ATP9A: variants seen among roughly 807,000 people sequenced by gnomAD.
ATP9A encodes probable phospholipid-transporting ATPase IIA.
A neutral mutation model predicts 144.1 loss-of-function variants in ATP9A; 52 were observed. That is an observed-to-expected ratio of 0.36 (90% confidence interval 0.29 to 0.45). The LOEUF is 0.45. ATP9A is among the 20% of genes least tolerant of loss of function. The pLI, the probability that ATP9A is intolerant of heterozygous loss-of-function variation, is 1.00. For synonymous variants in ATP9A, 582 were observed against 557.4 expected (o/e 1.04, Z -0.62); for missense variants, 947 against 1,392.7 (o/e 0.68, Z 5.09).
At chr20:51,661,623 G>A (rs567842398) in intron 13 of ATP9A, among the ~76,000 whole-genome samples, 4 of 146,758 alleles carry the variant, frequency 2.7e-5, no homozygotes, top group South Asian at 2.1e-4. Context: ...CTCCCGCCTC[G>A]GCCTCCCAAA....
chr20:51,597,165 C>G lies in ATP9A; in HGVS notation c.*4046G>C, dbSNP rs1045899575. The stretch of plus-strand genomic sequence containing the variant: ...GACATGGCCCAGCTATATTAACAGA[C>G]TGCGCCTCAAACCATGCTGTGGCGG... On this transcript the variant is annotated 3_prime_UTR_variant, in exon 28 of 28. Transcript: ENST00000338821. 10 of 152,312 alleles carry G rather than the reference C, an allele frequency of 6.6e-5. No homozygotes were observed. Among genetic ancestry groups the G allele is most frequent in the Non-Finnish European group, 1.0e-4 (7 of 68,034 alleles). The allele number at this position is 152,312 out of a possible 1,614,324, so 9.4% of individuals were successfully genotyped here.
intron 27 of ATP9A, among the ~76,000 whole-genome samples, chr20:51,604,182 CACTT>C (rs745646220): frequency 4.1e-5 from 5 of 122,144 alleles, no homozygotes; most frequent in South Asian, 3.3e-4. Context: ...TGCTCACACT[CACTT>C]AATGTGTGTT....
chr20:51,677,369 G>A (rs180933773), intron 9 of ATP9A, among the ~76,000 whole-genome samples: 137 of 152,138 alleles, frequency 9.0e-4, no homozygotes, highest in African/African-American at 3.2e-3. Flanking sequence ...TAAATACAGC[G>A]CCCACCCTCC....
At chr20:51,670,797 C>T (rs1056145149) in intron 12 of ATP9A, among the ~76,000 whole-genome samples, 4 of 152,180 alleles carry the variant, frequency 2.6e-5, no homozygotes, top group Admixed American at 6.5e-5. Flanking sequence ...GGCTACTATG[C>T]GCCCGTGACA....
intron 14 of ATP9A, among the ~76,000 whole-genome samples, chr20:51,648,966 G>C (rs769524516): frequency 6.6e-6 from 1 of 152,118 alleles, no homozygotes; most frequent in African/African-American, 2.4e-5. Context: ...AATGAGGTGG[G>C]TGGTAAAGGC....
intron 14 of ATP9A, among the ~76,000 whole-genome samples, chr20:51,648,420 G>C (rs1413303139): frequency 6.6e-6 from 1 of 152,196 alleles, no homozygotes; most frequent in African/African-American, 2.4e-5. Flanking sequence ...GGAAGGCAAT[G>C]CATCGTGGCA....
intron 3 of ATP9A, among the ~76,000 whole-genome samples, chr20:51,720,374 T>A (rs1410135013): frequency 6.6e-6 from 1 of 152,178 alleles, no homozygotes; most frequent in Non-Finnish European, 1.5e-5. Flanking sequence ...TAAAATGAAG[T>A]TAGAGTATTT....
intron 14 of ATP9A, among the ~76,000 whole-genome samples, chr20:51,641,465 C>T (rs2077318569): frequency 6.6e-6 from 1 of 151,716 alleles, no homozygotes; most frequent in Non-Finnish European, 1.5e-5. Flanking sequence ...CTACAGTGAG[C>T]CATAATGGTG....
chr20:51,755,674 T>C (rs557480166), intron 1 of ATP9A, among the ~76,000 whole-genome samples: 7 of 150,950 alleles, frequency 4.6e-5, no homozygotes, highest in Non-Finnish European at 1.0e-4. Flanking sequence ...TTCAAGAATG[T>C]TCATAGCAGC....
chr20:51,768,383 C>G lies in ATP9A; in HGVS notation c.-14G>C, dbSNP rs1215475369. Reference sequence around the variant, plus strand: ...GTTGTCCGTCATGTCGGCGGCGCCGCCCGCCTTGGCCGCCGCGCCCCCCGC... The same window carrying G: ...GTTGTCCGTCATGTCGGCGGCGCCGGCCGCCTTGGCCGCCGCGCCCCCCGC... On this transcript the variant is annotated 5_prime_UTR_variant, in exon 1 of 28. Transcript: ENST00000338821. The G allele has an allele frequency of 3.5e-6, 4 of 1,144,164 alleles. No individual in the cohort carries two copies. In the African/African-American group the frequency reaches 6.6e-5, roughly 19 times the overall value. The allele number at this position is 1,144,164 out of a possible 1,614,324, so 70.9% of individuals were successfully genotyped here.
intron 15 of ATP9A, 33 bp downstream of exon 15, chr20:51,639,310 A>C (rs6063682): frequency 0.26 from 415,736 of 1,588,830 alleles, 56,949 homozygotes; most frequent in Non-Finnish European, 0.28. Flanking sequence ...TGGGGTACTT[A>C]AGCACTTTAA....
chr20:51,649,352 G>A (rs2426342), intron 14 of ATP9A, among the ~76,000 whole-genome samples: 1 of 152,016 alleles, frequency 6.6e-6, no homozygotes. Flanking sequence ...GGTTTTAATC[G>A]TGCCAGCTAT....
chr20:51,614,930 G>A (rs1466756161), intron 22 of ATP9A, among the ~76,000 whole-genome samples: 1 of 152,072 alleles, frequency 6.6e-6, no homozygotes, highest in Non-Finnish European at 1.5e-5. Context: ...ATCCTTCCTG[G>A]AGCTTTTATT....
intron 1 of ATP9A, among the ~76,000 whole-genome samples, chr20:51,745,085 C>T (rs144790629): frequency 0.022 from 3,313 of 152,104 alleles, 49 homozygotes; most frequent in East Asian, 0.059. Flanking sequence ...ACCATTCTGG[C>T]CAACATGGTG....
intron 7 of ATP9A, 74 bp downstream of exon 7, chr20:51,693,934 C>T (rs901435640): frequency 4.1e-6 from 5 of 1,230,274 alleles, no homozygotes; most frequent in Non-Finnish European, 4.4e-6. Flanking sequence ...CCATGCCTGG[C>T]CCCCCAGGTA....
rs2077124130 is a variant in ATP9A at position 51,597,489 on chromosome 20, ATTC to A, written c.*3719_*3721del. 1 of 152,162 alleles carries A rather than the reference ATTC, an allele frequency of 6.6e-6. No individual in the cohort carries two copies. Among genetic ancestry groups the A allele is most frequent in the Non-Finnish European group, 1.5e-5 (1 of 68,020 alleles). 9.4% of individuals were successfully genotyped at this position (152,162 alleles called of 1,614,324 possible). On this transcript the variant is annotated 3_prime_UTR_variant, in exon 28 of 28. Transcript: ENST00000338821. ...ATTTTAATGCAATGAAAACCAAATA[ATTC>A]TTCAAAAAACTTTAGATGACATCAT... is the stretch of plus-strand genomic sequence containing the variant.
At chr20:51,723,600 CTG>C (rs1160957462) in intron 3 of ATP9A, among the ~76,000 whole-genome samples, 2 of 141,792 alleles carry the variant, frequency 1.4e-5, no homozygotes, top group African/African-American at 5.2e-5. Context: ...GAGTCTCGCT[CTG>C]TTGACCAGGC....
At chr20:51,685,017 T>TAA (rs11325921) in intron 9 of ATP9A, among the ~76,000 whole-genome samples, 13 of 139,932 alleles carry the variant, frequency 9.3e-5, no homozygotes, top group Admixed American at 4.4e-4. Flanking sequence ...TCTCCAAAAA[T>TAA]AAAAAAAAAA....
At chr20:51,753,306 G>A (rs1464257101) in intron 1 of ATP9A, among the ~76,000 whole-genome samples, 1 of 152,076 alleles carries the variant, frequency 6.6e-6, no homozygotes, top group African/African-American at 2.4e-5. Flanking sequence ...TTAGCTGGGC[G>A]TGGTGGTGTG....
Sources: allele counts gnomAD v4.1 joint callset (sites outside exome capture counted in the v4.1 genomes callset), GRCh38; gene constraint gnomAD v4.1.1; transcripts MANE v1.5; gene names NCBI Gene and HGNC (gene_info 2026-07-23, HGNC 2026-07-21).